Variants in WDR26 observed in about 807,000 individuals in gnomAD.
WDR26 encodes the protein WD repeat-containing protein 26.
WDR26 carries 5 observed loss-of-function variants against 84.1 expected under a neutral mutation model. The observed-to-expected ratio is 0.06, with a 90% CI of 0.03 to 0.13. The LOEUF is 0.13. WDR26 is among the 10% of genes least tolerant of loss of function. The probability of loss-of-function intolerance (pLI) is 1.00; values close to 1 mark genes in which losing one functional copy is unlikely to be tolerated. For missense variants in WDR26, 642 were observed against 974.9 expected (o/e 0.66, Z 4.55); for synonymous variants, 415 against 389.6 (o/e 1.07, Z -0.77).
intron 3 of WDR26, among the ~76,000 whole-genome samples, chr1:224,428,341 G>C (rs1458015458): frequency 6.6e-6 from 1 of 152,114 alleles, no homozygotes; most frequent in Non-Finnish European, 1.5e-5. Context: ...CTGGAGTAAG[G>C]TCATAACCAA....
At position 224,434,339 on chromosome 1, in the gene WDR26, C is replaced by T; in HGVS notation, c.67G>A (p.Ala23Thr). The T allele has an allele frequency of 1.6e-6, 2 of 1,229,714 alleles. No individual in the cohort carries two copies. Among genetic ancestry groups the T allele is most frequent in the Non-Finnish European group, 2.0e-6 (2 of 987,200 alleles). The allele number at this position is 1,229,714 out of a possible 1,614,324, so 76.2% of individuals were successfully genotyped here. Residue 23 changes from alanine to threonine, a missense_variant, in exon 1 of 14, where the codon GCC becomes ACC. By Grantham distance (58) the Ala-to-Thr change is moderately conservative. This residue lies in a region of WDR26 where 291 missense variants were observed against 302.1 expected (regional missense o/e 0.96). Coordinates refer to ENST00000414423, the MANE Select transcript of WDR26 (RefSeq NM_001379403.1). ...GGTTTCTTCCGCGGGGGCGGGGAGG[C>T]TCCGCCGGTGTCCGAGTCGGAGGAG...
In WDR26 at chr1:224,389,450, TAAATA is replaced by T. The variant is rs912445870; in HGVS notation, c.*380_*384del. The stretch of plus-strand genomic sequence containing the variant: ...CTTTCTATCAAGCCTTCTAAACTGT[TAAATA>T]AAGTTTTCCAAACAAGCATTTAAAC... On this transcript the variant is annotated 3_prime_UTR_variant, in exon 14 of 14. Transcript: ENST00000414423. 1 of 461,222 alleles carries T rather than the reference TAAATA, an allele frequency of 2.2e-6. No individual in the cohort carries two copies. Among genetic ancestry groups the T allele is most frequent in the African/African-American group, 2.0e-5 (1 of 48,822 alleles). The allele number at this position is 461,222 out of a possible 1,614,324, so 28.6% of individuals were successfully genotyped here. A position where few individuals can be genotyped will look rare whatever the true frequency, so the allele number is the denominator to read the frequency against.
rs759077324 is a variant in WDR26, at chr1:224,398,602, A to G, written c.1866-9T>C. 2 of 1,588,628 alleles carry G rather than the reference A, an allele frequency of 1.3e-6. No individual in the cohort carries two copies. The highest frequency in any genetic ancestry group is 3.7e-5 in the Admixed American group (2 of 53,470). ...GATGATCTTCTTGTACTCTGGAACC[A>G]GAAAATAATTTGTCAAAAACAACAT... On this transcript the variant is annotated splice_polypyrimidine_tract_variant and intron_variant, in intron 10 of 13. Transcript: ENST00000414423.
Position 224,389,216 on chromosome 1 carries a change from C to G in WDR26, c.*619G>C, listed in dbSNP as rs1673058752. On this transcript the variant is annotated 3_prime_UTR_variant, in exon 14 of 14. Coordinates refer to ENST00000414423, the MANE Select transcript of WDR26 (RefSeq NM_001379403.1). Reference sequence around the variant, plus strand: ...GGGGCAACAAGCTATGTGAAAAGTACAAAACTTTTTGTCAAATGTAATATT... The same window carrying G: ...GGGGCAACAAGCTATGTGAAAAGTAGAAAACTTTTTGTCAAATGTAATATT... The G allele has an allele frequency of 6.5e-6, 1 of 154,730 alleles. No individual in the cohort carries two copies. Among genetic ancestry groups the G allele is most frequent in the Admixed American group, 6.5e-5 (1 of 15,332 alleles). 9.6% of individuals were successfully genotyped at this position (154,730 alleles called of 1,614,324 possible).
Position 224,407,151 on chromosome 1 carries a change from AATATATATAT to A in WDR26, c.1459-2591_1459-2582del, listed in dbSNP as rs1335487396. ...AAAAAAAAAAAAAAAAAAAAAAAAA[AATATATATAT>A]ATATATATATAACTCAAAAACTTTT... On this transcript the variant is annotated intron_variant, in intron 7 of 13. Coordinates refer to ENST00000414423, the MANE Select transcript of WDR26 (RefSeq NM_001379403.1). Among the ~76,000 whole-genome samples, 5 of 11,876 alleles carry A rather than the reference AATATATATAT, an allele frequency of 4.2e-4. 1 individual carries two copies. The South Asian group carries it at 0.019, about 45-fold the overall frequency. 7.8% of individuals were successfully genotyped at this position (11,876 alleles called of 152,430 possible).
At chr1:224,413,696 GTT>G (rs887918694) in intron 6 of WDR26, among the ~76,000 whole-genome samples, 1 of 152,142 alleles carries the variant, frequency 6.6e-6, no homozygotes, top group African/African-American at 2.4e-5. Context: ...TCCAAGACCA[GTT>G]TTCTTTCCAA....
In WDR26 at chr1:224,385,229, T is replaced by G. The variant is rs1418918415; in HGVS notation, c.*4606A>C. 6.6e-6 allele frequency: 1 copy of G among 152,190 alleles called. No homozygotes were observed. The highest frequency in any genetic ancestry group is 1.5e-5 in the Non-Finnish European group (1 of 68,030). The allele number at this position is 152,190 out of a possible 1,614,324, so 9.4% of individuals were successfully genotyped here. On this transcript the variant is annotated 3_prime_UTR_variant, in exon 14 of 14. Coordinates refer to ENST00000414423, the MANE Select transcript of WDR26 (RefSeq NM_001379403.1). Reference sequence around the variant, plus strand: ...GTGCTGCGCACTGACATGGAAAAAGTGTCTTTAAAAAAAAATCCCAGTAAA... The same window carrying G: ...GTGCTGCGCACTGACATGGAAAAAGGGTCTTTAAAAAAAAATCCCAGTAAA...
chr1:224,399,938 C>A (rs1237089922), intron 9 of WDR26, among the ~76,000 whole-genome samples: 1 of 152,094 alleles, frequency 6.6e-6, no homozygotes, highest in Non-Finnish European at 1.5e-5. Context: ...CACCAATGTA[C>A]TCTAGCATGG....
chr1:224,390,738 TCAG>T lies in WDR26; in HGVS notation c.2261-881_2261-879del, dbSNP rs1165047859. Among the ~76,000 whole-genome samples the T allele has an allele frequency of 2.0e-5, 3 of 151,498 alleles. No homozygotes were observed. The East Asian group carries it at 5.8e-4, about 30-fold the overall frequency. On this transcript the variant is annotated intron_variant, in intron 13 of 13. Coordinates refer to ENST00000414423, the MANE Select transcript of WDR26 (RefSeq NM_001379403.1). ...TGAGCCGAGATTGCACCACTGCACT[TCAG>T]CCTGGGCGACAGAGTGAGACTCCAT... is the stretch of plus-strand genomic sequence containing the variant.
Position 224,434,157 on chromosome 1 carries a change from G to A in WDR26, c.249C>T (p.Ala83=). The change falls in exon 1 of 14, where the codon GCC becomes GCT. Residue 83 remains alanine, a synonymous_variant. Transcript: ENST00000414423. The stretch of plus-strand genomic sequence containing the variant: ...CGCTACTTCGGTGGGGGACAGCAGC[G>A]GCGGCGGGAGGGGCAGCAGCCGGGG... 7.0e-7 allele frequency: 1 copy of A among 1,421,730 alleles called. No homozygotes were observed. Among genetic ancestry groups the A allele is most frequent in the East Asian group, 2.6e-5 (1 of 39,160 alleles). The allele number at this position is 1,421,730 out of a possible 1,614,324, so 88.1% of individuals were successfully genotyped here.
At position 224,433,763 on chromosome 1, in the gene WDR26, T is replaced by G; in HGVS notation, c.643A>C (p.Lys215Gln). The change falls in exon 1 of 14, where the codon AAG (lysine) becomes CAG (glutamine). Residue 215 changes from lysine (K) to glutamine (Q), a missense_variant. Coordinates refer to ENST00000414423, the MANE Select transcript of WDR26 (RefSeq NM_001379403.1). ...GACTGGGAGAGCCGCTTCTTCTTCT[T>G]GAGGCTGCTGCCCAGTTCTGGGGTG... 6.5e-7 allele frequency: 1 copy of G among 1,536,618 alleles called. No individual in the cohort carries two copies. Among genetic ancestry groups the G allele is most frequent in the Non-Finnish European group, 8.7e-7 (1 of 1,146,568 alleles).
rs1049086895 is a variant in WDR26 at position 224,385,868 on chromosome 1, CA to C, written c.*3966del. On this transcript the variant is annotated 3_prime_UTR_variant, in exon 14 of 14. Coordinates refer to ENST00000414423, the MANE Select transcript of WDR26 (RefSeq NM_001379403.1). ...ACCAGTATTAACCAAACCTTAAACT[CA>C]GAGGGCACTTCACATGTGCACGAGA... The C allele has an allele frequency of 6.6e-6, 1 of 152,362 alleles. No individual in the cohort carries two copies. Among genetic ancestry groups the C allele is most frequent in the Admixed American group, 6.6e-5 (1 of 15,256 alleles). 9.4% of individuals were successfully genotyped at this position (152,362 alleles called of 1,614,324 possible).
At chr1:224,413,387 C>A in intron 6 of WDR26, 3 of 1,001,330 alleles carry the variant, frequency 3.0e-6, no homozygotes, top group Non-Finnish European at 2.6e-6. Context: ...ATTTGGTACA[C>A]ATGGCAATCT....
intron 4 of WDR26, 96 bp from the exon 5 acceptor site, chr1:224,419,711 C>G (rs1392732554): frequency 3.3e-6 from 3 of 908,782 alleles, no homozygotes; most frequent in Non-Finnish European, 5.3e-6. Flanking sequence ...CTGCTTCTTA[C>G]TAATACATGT....
At chr1:224,413,331 C>A in intron 6 of WDR26, 1 of 1,246,360 alleles carries the variant, frequency 8.0e-7, no homozygotes, top group Non-Finnish European at 1.0e-6. Flanking sequence ...TGTCAATTCA[C>A]CAGTCTGAAA....
intron 3 of WDR26, chr1:224,429,194 G>A (rs35011635): frequency 0.18 from 27,785 of 151,338 alleles, 2,801 homozygotes; most frequent in Middle Eastern, 0.23. Context: ...CCTGGGAGGC[G>A]AGGTTGCAGT....
intron 9 of WDR26, among the ~76,000 whole-genome samples, chr1:224,400,385 T>C (rs546475055): frequency 2.8e-4 from 42 of 152,282 alleles, no homozygotes; most frequent in African/African-American, 9.6e-4. Context: ...CAAAAATGTT[T>C]AGCAAAACAC....
intron 6 of WDR26, among the ~76,000 whole-genome samples, chr1:224,415,453 C>CTTTTTTTTTTTTTTTTTTTTTTTTT (rs149995544): frequency 2.4e-5 from 2 of 82,350 alleles, no homozygotes; most frequent in African/African-American, 9.7e-5. Flanking sequence ...GTATTTCTTT[C>CTTTTTTTTTTTTTTTTTTTTTTTTT]TTTTTTTTTT....
At position 224,399,026 on chromosome 1, in the gene WDR26, A is replaced by G. The variant is rs770792657; in HGVS notation, c.1728T>C (p.Asp576=). The change falls in exon 10 of 14, where the codon GAT becomes GAC. Residue 576 remains aspartate, a synonymous_variant. Transcript: ENST00000414423. The stretch of plus-strand genomic sequence containing the variant: ...CTTCCCAGGAGTCAAGGAGATTACC[A>G]TCTAAGTCCTGAGTAAGAAAAAACT... The G allele has an allele frequency of 5.2e-6, 8 of 1,549,110 alleles. No homozygotes were observed. The highest frequency in any genetic ancestry group is 6.9e-6 in the Non-Finnish European group (8 of 1,156,040).
Sources: allele counts gnomAD v4.1 joint callset (sites outside exome capture counted in the v4.1 genomes callset), GRCh38; gene constraint gnomAD v4.1.1; regional missense constraint gnomAD v4.1.1; transcripts MANE v1.5; gene names NCBI Gene and HGNC (gene_info 2026-07-23, HGNC 2026-07-21).